The following ANKS6 variants were observed in gnomAD, a reference collection of about 807,000 sequenced individuals.
ANKS6 encodes ankyrin repeat and sterile alpha motif domain containing 6, also known as ankyrin repeat and SAM domain-containing protein 6.
A neutral mutation model predicts 77.9 loss-of-function variants in ANKS6; 47 were observed. The ratio of observed to expected loss-of-function variants is 0.60; its 90% confidence interval spans 0.48 to 0.77. The LOEUF (loss-of-function observed/expected upper bound fraction) is 0.77. Ranked by LOEUF, ANKS6 falls within the 30% of genes least tolerant of loss-of-function variation. ANKS6 has a pLI of 0.00. For synonymous variants in ANKS6, 488 were observed against 501.7 expected, an observed-to-expected ratio of 0.97 and a Z score of 0.37; for missense variants, 1,150 against 1,159.1, an observed-to-expected ratio of 0.99 and a Z score of 0.11.
chr9:98,767,335 C>T (rs544877361), intron 11 of ANKS6, among the ~76,000 whole-genome samples: 1 of 152,136 alleles, frequency 6.6e-6, no homozygotes, highest in Non-Finnish European at 1.5e-5. Flanking sequence ...AACAGTTGCA[C>T]CAACACCCCT....
intron 11 of ANKS6, among the ~76,000 whole-genome samples, chr9:98,764,245 T>A (rs769267614): frequency 3.3e-5 from 5 of 152,192 alleles, no homozygotes; most frequent in Non-Finnish European, 7.4e-5. Flanking sequence ...GTATGTAATT[T>A]CTTTCAAGAA....
intron 12 of ANKS6, among the ~76,000 whole-genome samples, chr9:98,754,412 C>A (rs113890388): frequency 3.3e-5 from 5 of 152,072 alleles, no homozygotes; most frequent in African/African-American, 1.2e-4. Flanking sequence ...GAGGCCGAGG[C>A]GGGCGGATCA....
intron 11 of ANKS6, 84 bp from the exon 12 acceptor site, chr9:98,756,687 T>A (rs184449242): frequency 8.4e-7 from 1 of 1,187,372 alleles, no homozygotes. Context: ...ACAGGGAACA[T>A]GGGTGGTATT....
intron 11 of ANKS6, 55 bp downstream of exon 11, chr9:98,768,026 C>A (rs1347982784): frequency 3.2e-6 from 5 of 1,546,616 alleles, no homozygotes; most frequent in Non-Finnish European, 4.4e-6. Context: ...GCAAGTGGCC[C>A]ATGTTAGAAC....
At position 98,790,283 on chromosome 9, in the gene ANKS6, G is replaced by T. The variant is rs368160734; in HGVS notation, c.683C>A (p.Pro228Gln). The T allele has an allele frequency of 8.1e-6, 13 of 1,603,558 alleles. No individual in the cohort carries two copies. The South Asian group carries it at 1.2e-4, about 15-fold the overall frequency. The change falls in exon 2 of 15, where the codon CCG becomes CAG. Residue 228 changes from proline (P) to glutamine (Q), a missense_variant. Transcript: ENST00000353234. The stretch of plus-strand genomic sequence containing the variant: ...CCCAGTGAGTGCGGCCAGCATCAGC[G>T]GGCTCCAGCCCACGGTCCGGGCTGC... The part of the protein sequence containing the change: ...NHAARTVGWS[P>Q]LMLAALTGRL...
At chr9:98,795,950 T>C (rs1835150258) in intron 1 of ANKS6, 183 bp downstream of exon 1, 11 of 587,780 alleles carry the variant, frequency 1.9e-5, no homozygotes, top group Non-Finnish European at 2.7e-5. Flanking sequence ...TGATTTTATG[T>C]TAATTCAAAA....
At chr9:98,745,824 A>AC in intron 13 of ANKS6, 149 bp from the exon 14 acceptor site, 1 of 635,068 alleles carries the variant, frequency 1.6e-6, no homozygotes, top group East Asian at 2.7e-5. Context: ...CTTTATGTTT[A>AC]GAGTTTCGTT....
chr9:98,790,031 G>A (rs748294571), intron 2 of ANKS6, 73 bp downstream of exon 2: 115 of 1,501,054 alleles, frequency 7.7e-5, no homozygotes, highest in Non-Finnish European at 9.5e-5. Flanking sequence ...TTCCAGTAGA[G>A]CAATCCTCAG....
intron 2 of ANKS6, among the ~76,000 whole-genome samples, chr9:98,785,721 G>A (rs938610430): frequency 4.6e-5 from 7 of 152,150 alleles, no homozygotes; most frequent in Admixed American, 6.5e-5. Context: ...AGCTGCCAGA[G>A]GGCACTTGTG....
Position 98,739,758 on chromosome 9 carries a change from A to ATTTTTTTTTTTTTTTTTTTTTT in ANKS6, c.2512-3136_2512-3135insAAAAAAAAAAAAAAAAAAAAAA, listed in dbSNP as rs749499336. Reference sequence around the variant, plus strand: ...CTCAGAGGGCAGCAGTGGATTAAACATTTTTTTTTTTTTTTTGAGACGGAG... The same window carrying ATTTTTTTTTTTTTTTTTTTTTT: ...CTCAGAGGGCAGCAGTGGATTAAACATTTTTTTTTTTTTTTTTTTTTTTTTTTTTTTTTTTTTTGAGACGGAG... On this transcript the variant is annotated intron_variant, in intron 14 of 14. Coordinates refer to ENST00000353234, the MANE Select transcript of ANKS6 (RefSeq NM_173551.5). Among the ~76,000 whole-genome samples, 12 of 88,866 alleles carry ATTTTTTTTTTTTTTTTTTTTTT rather than the reference A, an allele frequency of 1.4e-4. 1 individual carries two copies. Among genetic ancestry groups the ATTTTTTTTTTTTTTTTTTTTTT allele is most frequent in the Non-Finnish European group, 1.9e-4 (9 of 48,400 alleles). 58.3% of individuals were successfully genotyped at this position (88,866 alleles called of 152,430 possible).
At chr9:98,773,786 A>G in intron 9 of ANKS6, 91 bp downstream of exon 9, 2 of 1,243,608 alleles carry the variant, frequency 1.6e-6, no homozygotes, top group Non-Finnish European at 2.1e-6. Context: ...ACCCCTCTGG[A>G]TTCGTCGGTT....
At chr9:98,750,432 T>A (rs1189209150) in intron 13 of ANKS6, among the ~76,000 whole-genome samples, 1 of 152,220 alleles carries the variant, frequency 6.6e-6, no homozygotes, top group Non-Finnish European at 1.5e-5. Flanking sequence ...GATGGACATT[T>A]GGGTCGTATC....
At chr9:98,750,927 G>T (rs1832393998) in intron 13 of ANKS6, 102 bp downstream of exon 13, 1 of 890,682 alleles carries the variant, frequency 1.1e-6, no homozygotes, top group Non-Finnish European at 1.8e-6. Context: ...CTGTCTCAGT[G>T]CAAGAGATCA....
chr9:98,793,412 AGTACCT>A (rs1349294771), intron 1 of ANKS6, among the ~76,000 whole-genome samples: 1 of 152,224 alleles, frequency 6.6e-6, no homozygotes, highest in Non-Finnish European at 1.5e-5. Flanking sequence ...GGATGACAAT[AGTACCT>A]CCTTCCTAAG....
intron 6 of ANKS6, 132 bp downstream of exon 6, chr9:98,780,057 A>C: frequency 7.8e-7 from 1 of 1,279,300 alleles, no homozygotes; most frequent in Non-Finnish European, 1.1e-6. Context: ...CTATTGCTCA[A>C]TGCCAGCTCA....
chr9:98,758,815 A>C (rs774916975), intron 11 of ANKS6, among the ~76,000 whole-genome samples: 1 of 152,248 alleles, frequency 6.6e-6, no homozygotes, highest in Non-Finnish European at 1.5e-5. Context: ...TGTACACAAA[A>C]AAATTTTTAG....
chr9:98,790,462 G>A lies in ANKS6; in HGVS notation c.504C>T (p.Ala168=), dbSNP rs371051266. 6.8e-6 allele frequency: 11 copies of A among 1,613,770 alleles called. No homozygotes were observed. The highest frequency in any genetic ancestry group is 1.3e-5 in the African/African-American group (1 of 75,052). Residue 168 remains alanine, a synonymous_variant, in exon 2 of 15, where the codon GCC becomes GCT. Transcript: ENST00000353234. ...CTGAAGGGTGGTGATGGTCCACAAA[G>A]GCACCGGCTTCCAGGAGCAGCTTCA... ...GVVKLLLEAG[A]FVDHHHPSGE... is the part of the protein sequence containing the mutation.
At position 98,768,050 on chromosome 9, in the gene ANKS6, G is replaced by GT. The variant is rs368071840; in HGVS notation, c.2142+30dup. On this transcript the variant is annotated intron_variant, in intron 11 of 14. Transcript: ENST00000353234. ...CCATGTTAGAACAGAATCTGTGAGTGTAACAGGAGGAGGCCACACAAAACA... is the reference window on the plus strand; with the variant it reads ...CCATGTTAGAACAGAATCTGTGAGTGTTAACAGGAGGAGGCCACACAAAACA... The GT allele has an allele frequency of 1.8e-4, 291 of 1,579,682 alleles. 1 individual carries two copies. In the African/African-American group the frequency reaches 3.1e-3, roughly 17 times the overall value.
At position 98,733,294 on chromosome 9, in the gene ANKS6, G is replaced by T. The variant is rs1831303430; in HGVS notation, c.*3225C>A. On this transcript the variant is annotated 3_prime_UTR_variant, in exon 15 of 15. Transcript: ENST00000353234. ...AAGAAGAGAGGCAGGAGCCCTCCGTGGCCAGCAGGGACTTGGACATCCAGC... is the reference window on the plus strand; with the variant it reads ...AAGAAGAGAGGCAGGAGCCCTCCGTTGCCAGCAGGGACTTGGACATCCAGC... 1.0e-6 allele frequency: 1 copy of T among 985,410 alleles called. No individual in the cohort carries two copies. Among genetic ancestry groups the T allele is most frequent in the Non-Finnish European group, 1.2e-6 (1 of 830,002 alleles). The allele number at this position is 985,410 out of a possible 1,614,324, so 61.0% of individuals were successfully genotyped here. A position where few individuals can be genotyped will look rare whatever the true frequency, so the allele number is the denominator to read the frequency against.
Sources: gnomAD v4.1 joint callset for allele counts (sites outside exome capture counted in the v4.1 genomes callset) on GRCh38, gnomAD v4.1.1 for gene constraint, MANE v1.5 for transcripts, NCBI Gene and HGNC (gene_info 2026-07-23, HGNC 2026-07-21) for gene names.